SORCS2: variants seen among roughly 807,000 people sequenced by gnomAD.
SORCS2 encodes sortilin related VPS10 domain containing receptor 2.
A neutral mutation model predicts 141.6 loss-of-function variants in SORCS2; 100 were observed. That is an observed-to-expected ratio of 0.71 (90% confidence interval 0.60 to 0.83). The LOEUF is 0.83. SORCS2 is among the 40% of genes least tolerant of loss of function. The pLI, the probability that SORCS2 is intolerant of heterozygous loss-of-function variation, is 0.00. For synonymous variants in SORCS2, 789 were observed against 676.9 expected (o/e 1.17, Z -2.57); for missense variants, 1,646 against 1,560.2 (o/e 1.05, Z -0.93).
chr4:7,636,176 G>C (rs1241260583), intron 3 of SORCS2, among the ~76,000 whole-genome samples: 3 of 151,818 alleles, frequency 2.0e-5, no homozygotes, highest in Non-Finnish European at 4.4e-5. Context: ...GCACCCTGCA[G>C]TGTGTGGCTA....
At position 7,740,431 on chromosome 4, in the gene SORCS2, C is replaced by G; in HGVS notation, c.*167C>G. 1 of 642,114 alleles carries G rather than the reference C, an allele frequency of 1.6e-6. No homozygotes were observed. Among genetic ancestry groups the G allele is most frequent in the Non-Finnish European group, 2.7e-6 (1 of 368,888 alleles). The allele number at this position is 642,114 out of a possible 1,614,324, so 39.8% of individuals were successfully genotyped here. On this transcript the variant is annotated 3_prime_UTR_variant, in exon 27 of 27. Transcript: ENST00000507866. The stretch of plus-strand genomic sequence containing the variant: ...TCTGATAAATCCAAGCCCGCCCAGG[C>G]CCACGGGGGGCCCACGGGACCCCCC...
At chr4:7,713,767 G>C (rs1010705382) in intron 15 of SORCS2, among the ~76,000 whole-genome samples, 3 of 152,188 alleles carry the variant, frequency 2.0e-5, no homozygotes, top group African/African-American at 4.8e-5. Context: ...CCTAGGAGGA[G>C]GTTTAGGAGC....
At chr4:7,353,441 C>T (rs1365221615) in intron 1 of SORCS2, among the ~76,000 whole-genome samples, 1 of 152,200 alleles carries the variant, frequency 6.6e-6, no homozygotes, top group Non-Finnish European at 1.5e-5. Flanking sequence ...GGAGGTTCAG[C>T]CTGATATGCG....
At chr4:7,300,175 A>G (rs959177884) in intron 1 of SORCS2, among the ~76,000 whole-genome samples, 1 of 152,146 alleles carries the variant, frequency 6.6e-6, no homozygotes, top group African/African-American at 2.4e-5. Context: ...GGGTTCTTGC[A>G]CTGAGGGTGC....
chr4:7,620,814 G>C (rs1012396353), intron 3 of SORCS2, among the ~76,000 whole-genome samples: 1 of 152,190 alleles, frequency 6.6e-6, no homozygotes, highest in Non-Finnish European at 1.5e-5. Context: ...GTCTCACGGT[G>C]GGGGGTCTCC....
chr4:7,439,331 T>G (rs534507803), intron 2 of SORCS2, among the ~76,000 whole-genome samples: 17 of 152,172 alleles, frequency 1.1e-4, no homozygotes, highest in Non-Finnish European at 5.9e-5. Context: ...GCTCCCATGA[T>G]TTTTAACCTA....
chr4:7,715,408 C>T, intron 17 of SORCS2, 97 bp downstream of exon 17: 2 of 1,537,098 alleles, frequency 1.3e-6, no homozygotes, highest in Non-Finnish European at 1.8e-6. Context: ...CTGCAGCTCC[C>T]AACTCCCAAG....
intron 7 of SORCS2, among the ~76,000 whole-genome samples, chr4:7,666,029 G>C (rs1441101544): frequency 6.6e-6 from 1 of 152,110 alleles, no homozygotes; most frequent in African/African-American, 2.4e-5. Context: ...CGAGGAAACC[G>C]GGTGTGACTC....
rs1480761425 is a variant in SORCS2, at chr4:7,712,736, C to T, written c.1872C>T (p.Val624=). The change falls in exon 15 of 27, where the codon GTC becomes GTT. Residue 624 remains valine, a synonymous_variant. Transcript: ENST00000507866. ...EPGDETLVMT[V]FGHISFRSDW... ...TTCCCTCCTCTTCCCACCCCAGGGT[C>T]TTTGGCCACATCAGCTTCCGCTCCG... The T allele has an allele frequency of 6.2e-7, 1 of 1,614,020 alleles. No individual in the cohort carries two copies. The highest frequency in any genetic ancestry group is 1.3e-5 in the African/African-American group (1 of 75,070).
rs534803243 is a variant in SORCS2 at position 7,591,225 on chromosome 4, C to T, written c.649-47103C>T. On this transcript the variant is annotated intron_variant, in intron 3 of 26. Coordinates refer to ENST00000507866, the MANE Select transcript of SORCS2 (RefSeq NM_020777.3). ...TCTTCTCTTGTGCTCAGCCTCCTCG[C>T]GCTCTCCCCTCCACCTGCTGCTGCC... is the stretch of plus-strand genomic sequence containing the variant. Among the ~76,000 whole-genome samples, 14 of 152,326 alleles carry T rather than the reference C, an allele frequency of 9.2e-5. No homozygotes were observed. The South Asian group carries it at 1.0e-3, about 11-fold the overall frequency.
intron 3 of SORCS2, among the ~76,000 whole-genome samples, chr4:7,591,817 C>G (rs918996404): frequency 6.6e-6 from 1 of 152,134 alleles, no homozygotes; most frequent in Non-Finnish European, 1.5e-5. Context: ...GCCCGCCGCA[C>G]GGATGGATGG....
chr4:7,333,338 C>A (rs1028267514), intron 1 of SORCS2, among the ~76,000 whole-genome samples: 1 of 152,236 alleles, frequency 6.6e-6, no homozygotes, highest in Non-Finnish European at 1.5e-5. Context: ...CTGATGGGAC[C>A]CACTGCAGTT....
At chr4:7,264,555 G>A (rs916232779) in intron 1 of SORCS2, among the ~76,000 whole-genome samples, 3 of 152,236 alleles carry the variant, frequency 2.0e-5, no homozygotes, top group Non-Finnish European at 2.9e-5. Flanking sequence ...GGTCTGGGAA[G>A]GCTTCTCCGT....
chr4:7,697,789 T>G, intron 12 of SORCS2, among the ~76,000 whole-genome samples: 1 of 149,456 alleles, frequency 6.7e-6, no homozygotes. Flanking sequence ...TGGGGGTCAT[T>G]GTGAGTCTGG....
intron 3 of SORCS2, among the ~76,000 whole-genome samples, chr4:7,598,353 C>G (rs1717425015): frequency 1.3e-5 from 2 of 152,138 alleles, no homozygotes; most frequent in Non-Finnish European, 2.9e-5. Flanking sequence ...CAGAGAGGTT[C>G]CGTGCTTCTG....
intron 1 of SORCS2, among the ~76,000 whole-genome samples, chr4:7,277,303 C>T (rs1308804232): frequency 1.3e-5 from 2 of 152,208 alleles, no homozygotes; most frequent in Admixed American, 6.5e-5. Flanking sequence ...TTCTGTGACC[C>T]TGGCTGCAAA....
intron 1 of SORCS2, among the ~76,000 whole-genome samples, chr4:7,226,580 G>A (rs988526515): frequency 2.0e-5 from 3 of 152,120 alleles, no homozygotes; most frequent in Non-Finnish European, 2.9e-5. Flanking sequence ...ACTAACACAC[G>A]CCATGCAAGA....
At chr4:7,382,940 T>A (rs1330855040) in intron 1 of SORCS2, among the ~76,000 whole-genome samples, 1 of 152,196 alleles carries the variant, frequency 6.6e-6, no homozygotes, top group Non-Finnish European at 1.5e-5. Flanking sequence ...AATGAACTTT[T>A]AGGTGGAGAA....
intron 2 of SORCS2, among the ~76,000 whole-genome samples, chr4:7,453,748 G>T: frequency 7.4e-6 from 1 of 134,386 alleles, no homozygotes; most frequent in Non-Finnish European, 1.6e-5. Flanking sequence ...GTGTGTTGGG[G>T]TCAGGAGCTG....
Sources: allele counts gnomAD v4.1 joint callset (sites outside exome capture counted in the v4.1 genomes callset), GRCh38; gene constraint gnomAD v4.1.1; transcripts MANE v1.5; gene names NCBI Gene and HGNC (gene_info 2026-07-23, HGNC 2026-07-21).